Variants in IL1RL2 observed in about 807,000 individuals in gnomAD.
The protein encoded by IL1RL2 is interleukin 1 receptor like 2.
A neutral mutation model predicts 66.8 loss-of-function variants in IL1RL2; 68 were observed. The ratio of observed to expected loss-of-function variants is 1.02; its 90% CI spans 0.84 to 1.25. The LOEUF (loss-of-function observed/expected upper bound fraction) is 1.25. IL1RL2 is among the 50% of genes most tolerant of loss of function. The probability of loss-of-function intolerance (pLI) is 0.00; values close to 1 mark genes in which losing one functional copy is unlikely to be tolerated. For missense variants in IL1RL2, 729 were observed against 709.3 expected, an observed-to-expected ratio of 1.03 and a Z score of -0.32; for synonymous variants, 305 against 264.6, an observed-to-expected ratio of 1.15 and a Z score of -1.48.
At chr2:102,204,830 G>A (rs1300345879) in intron 5 of IL1RL2, among the ~76,000 whole-genome samples, 2 of 151,896 alleles carry the variant, frequency 1.3e-5, no homozygotes, top group African/African-American at 4.8e-5. Flanking sequence ...CTTTATTGGA[G>A]AGTTTAGTCC....
At chr2:102,223,386 G>A (rs373426886) in intron 8 of IL1RL2, among the ~76,000 whole-genome samples, 8 of 152,256 alleles carry the variant, frequency 5.3e-5, no homozygotes, top group East Asian at 1.9e-4. Context: ...GTGCTCTTCC[G>A]TGAATTCGCG....
At chr2:102,187,682 A>C (rs559036466) in intron 1 of IL1RL2, among the ~76,000 whole-genome samples, 174 bp from the exon 2 acceptor site, 1 of 152,260 alleles carries the variant, frequency 6.6e-6, no homozygotes, top group Non-Finnish European at 1.5e-5. Flanking sequence ...CGAAGGAGAC[A>C]GGGGAAGGGC....
At chr2:102,228,630 A>G (rs1375682795) in intron 9 of IL1RL2, among the ~76,000 whole-genome samples, 1 of 152,168 alleles carries the variant, frequency 6.6e-6, no homozygotes, top group Non-Finnish European at 1.5e-5. Flanking sequence ...GAGAATGTGC[A>G]TGTAGGATAG....
At chr2:102,190,476 G>A (rs1474517455) in intron 3 of IL1RL2, among the ~76,000 whole-genome samples, 2 of 152,112 alleles carry the variant, frequency 1.3e-5, no homozygotes, top group Non-Finnish European at 2.9e-5. Context: ...CCATTCTCTC[G>A]CTCTTGTTTT....
chr2:102,220,596 A>T (rs1012183713), intron 8 of IL1RL2, among the ~76,000 whole-genome samples: 1 of 152,202 alleles, frequency 6.6e-6, no homozygotes, highest in African/African-American at 2.4e-5. Flanking sequence ...GTAACCTATC[A>T]GGGGAGGTGT....
In IL1RL2 at chr2:102,212,226, G is replaced by A. The variant is rs771545838; in HGVS notation, c.724+52G>A. On this transcript the variant is annotated intron_variant, in intron 6 of 11. Coordinates refer to ENST00000264257, the MANE Select transcript of IL1RL2 (RefSeq NM_003854.4). ...AATCACCAGGGGAAGAGCTCATTAT[G>A]TTTGCATATTCTGGTGAATATTTTG... The A allele has an allele frequency of 4.0e-6, 5 of 1,248,296 alleles. No individual in the cohort carries two copies. The South Asian group carries it at 6.0e-5, about 15-fold the overall frequency. The allele number at this position is 1,248,296 out of a possible 1,614,324, so 77.3% of individuals were successfully genotyped here.
At chr2:102,190,349 A>C (rs2104705217) in intron 3 of IL1RL2, among the ~76,000 whole-genome samples, 1 of 152,310 alleles carries the variant, frequency 6.6e-6, no homozygotes, top group East Asian at 1.9e-4. Flanking sequence ...GGCTTGCATG[A>C]CCTTAACAAA....
rs1443605037 is a variant in IL1RL2, at chr2:102,200,795, GAA to G, written c.490-759_490-758del. Among the ~76,000 whole-genome samples the G allele has an allele frequency of 2.6e-5, 4 of 152,200 alleles. No homozygotes were observed. The East Asian group carries it at 7.7e-4, about 29-fold the overall frequency. On this transcript the variant is annotated intron_variant, in intron 4 of 11. Coordinates refer to ENST00000264257, the MANE Select transcript of IL1RL2 (RefSeq NM_003854.4). ...TGCCCTCTGGGTGGTTGCTGGGAGAGAAAGCATTCCTGAGACTCACTGGTCTT... is the reference window on the plus strand; with the variant it reads ...TGCCCTCTGGGTGGTTGCTGGGAGAGAGCATTCCTGAGACTCACTGGTCTT...
At chr2:102,233,510 G>A (rs1019370786) in intron 10 of IL1RL2, among the ~76,000 whole-genome samples, 1 of 152,126 alleles carries the variant, frequency 6.6e-6, no homozygotes, top group African/African-American at 2.4e-5. Flanking sequence ...GTTTTCCATG[G>A]GTTTGAACAA....
At position 102,187,935 on chromosome 2, in the gene IL1RL2, G is replaced by A. The variant is rs781442304; in HGVS notation, c.58+10G>A. The A allele has an allele frequency of 1.9e-6, 3 of 1,613,430 alleles. No homozygotes were observed. Among genetic ancestry groups the A allele is most frequent in the East Asian group, 4.5e-5 (2 of 44,834 alleles). On this transcript the variant is annotated intron_variant, in intron 2 of 11. Transcript: ENST00000264257. The stretch of plus-strand genomic sequence containing the variant: ...CTGTCTGTCACAGCAGGTACGTTCC[G>A]TGTGTCCTCCGTTCCCAGAGGCTGC...
At chr2:102,199,873 T>C (rs1251751471) in intron 4 of IL1RL2, among the ~76,000 whole-genome samples, 1 of 151,982 alleles carries the variant, frequency 6.6e-6, no homozygotes, top group Non-Finnish European at 1.5e-5. Flanking sequence ...TTGTACTTTG[T>C]TTGGGCTGAG....
chr2:102,187,224 C>A (rs1389144830), intron 1 of IL1RL2, 138 bp downstream of exon 1: 7 of 1,202,450 alleles, frequency 5.8e-6, no homozygotes, highest in South Asian at 2.8e-5. Flanking sequence ...GGCCCCCGAC[C>A]GGCTAGGTGA....
chr2:102,240,209 A>G (rs1281600818), downstream of IL1RL2, among the ~76,000 whole-genome samples: 1 of 152,162 alleles, frequency 6.6e-6, no homozygotes, highest in African/African-American at 2.4e-5. Context: ...ATAGAGAAAC[A>G]TGAGGGTCAT....
Position 102,233,064 on chromosome 2 carries a change from T to G in IL1RL2, c.1237T>G (p.Leu413Val). ...ALVLNILPEV[L>V]ERQCGYKLFI... ...GGTGTTGAATATCCTGCCCGAGGTG[T>G]TGGAGAGACAATGTGGATATAAGTT... Residue 413 changes from leucine (L) to valine (V), a missense_variant, in exon 10 of 12, where the codon TTG becomes GTG. Transcript: ENST00000264257. 1 of 1,614,042 alleles carries G rather than the reference T, an allele frequency of 6.2e-7. No homozygotes were observed. Among genetic ancestry groups the G allele is most frequent in the Non-Finnish European group, 8.5e-7 (1 of 1,179,978 alleles).
chr2:102,199,619 G>C (rs994827821), intron 4 of IL1RL2, among the ~76,000 whole-genome samples: 7 of 152,192 alleles, frequency 4.6e-5, no homozygotes, highest in Admixed American at 4.6e-4. Flanking sequence ...TTGAAATAAT[G>C]TTCCAGTGGA....
intron 4 of IL1RL2, among the ~76,000 whole-genome samples, chr2:102,192,797 G>T (rs892362480): frequency 6.6e-6 from 1 of 151,912 alleles, no homozygotes; most frequent in African/African-American, 2.4e-5. Flanking sequence ...CACCCCTCTG[G>T]GTCATGAGTT....
rs183166623 is a variant in IL1RL2, at chr2:102,217,304, G to A, written c.725-1649G>A. ...AATATCCTTTGTTCATGAATTGGAAGAATTAATATTGTTCAAATGTCCATC... is the reference window on the plus strand; with the variant it reads ...AATATCCTTTGTTCATGAATTGGAAAAATTAATATTGTTCAAATGTCCATC... On this transcript the variant is annotated intron_variant, in intron 6 of 11. Coordinates refer to ENST00000264257, the MANE Select transcript of IL1RL2 (RefSeq NM_003854.4). Among the ~76,000 whole-genome samples, 7 of 152,244 alleles carry A rather than the reference G, an allele frequency of 4.6e-5. No individual in the cohort carries two copies. The East Asian group carries it at 1.2e-3, about 25-fold the overall frequency.
intron 3 of IL1RL2, among the ~76,000 whole-genome samples, chr2:102,190,982 A>G (rs1409980438): frequency 6.6e-6 from 1 of 152,210 alleles, no homozygotes; most frequent in East Asian, 1.9e-4. Context: ...TTTTGCTTTG[A>G]AATAATTTTA....
At chr2:102,188,518 G>A (rs1421917823) in intron 2 of IL1RL2, among the ~76,000 whole-genome samples, 1 of 143,484 alleles carries the variant, frequency 7.0e-6, no homozygotes, top group Admixed American at 7.6e-5. Context: ...AACTCGGGAG[G>A]CGGAGCTTGC....
Sources: allele counts gnomAD v4.1 joint callset (sites outside exome capture counted in the v4.1 genomes callset), GRCh38; gene constraint gnomAD v4.1.1; transcripts MANE v1.5; gene names NCBI Gene and HGNC (gene_info 2026-07-23, HGNC 2026-07-21).